Variants in ADGRB3 observed in about 807,000 individuals in gnomAD.
The protein encoded by ADGRB3 is adhesion G protein-coupled receptor B3, also known as brain-specific angiogenesis inhibitor 3.
ADGRB3 carries 37 observed loss-of-function variants against 193.4 expected under a neutral mutation model. The observed-to-expected ratio is 0.19, with a 90% CI of 0.15 to 0.25. The LOEUF (loss-of-function observed/expected upper bound fraction) is 0.25. Among genes scored for constraint, ADGRB3 ranks in the 10% least tolerant of loss-of-function variants. ADGRB3 has a pLI of 1.00. For missense variants in ADGRB3, 1,637 were observed against 1,852.9 expected, an observed-to-expected ratio of 0.88 and a Z score of 2.14; for synonymous variants, 690 against 644.2, an observed-to-expected ratio of 1.07 and a Z score of -1.08.
intron 3 of ADGRB3, among the ~76,000 whole-genome samples, chr6:68,671,736 T>G (rs1310110698): frequency 6.6e-6 from 1 of 151,986 alleles, no homozygotes; most frequent in Non-Finnish European, 1.5e-5. Context: ...TTTGTTTTGA[T>G]GCGTCTTTGT....
intron 3 of ADGRB3, among the ~76,000 whole-genome samples, chr6:68,679,158 G>A (rs1378688727): frequency 1.3e-5 from 2 of 152,032 alleles, no homozygotes; most frequent in African/African-American, 2.4e-5. Context: ...AAATATTCAA[G>A]TCTAGACAAA....
At chr6:69,143,259 G>A (rs1438146833) in intron 17 of ADGRB3, among the ~76,000 whole-genome samples, 1 of 151,408 alleles carries the variant, frequency 6.6e-6, no homozygotes, top group Non-Finnish European at 1.5e-5. Context: ...AGAGTTGTTT[G>A]AGCTCCTTAT....
At chr6:68,858,324 G>A (rs989255443) in intron 3 of ADGRB3, among the ~76,000 whole-genome samples, 11 of 151,954 alleles carry the variant, frequency 7.2e-5, no homozygotes, top group Admixed American at 1.3e-4. Flanking sequence ...CCAACATAGA[G>A]AAACCCCATC....
At chr6:69,045,434 A>G (rs1771207399) in intron 13 of ADGRB3, among the ~76,000 whole-genome samples, 3 of 152,146 alleles carry the variant, frequency 2.0e-5, no homozygotes, top group South Asian at 4.1e-4. Context: ...GTATGAAAGT[A>G]TATACTTTTC....
At chr6:69,238,516 ATT>A (rs544140689) in intron 19 of ADGRB3, among the ~76,000 whole-genome samples, 2 of 152,070 alleles carry the variant, frequency 1.3e-5, no homozygotes, top group African/African-American at 4.8e-5. Context: ...TGTGGATTGG[ATT>A]TATTTTTAGA....
intron 17 of ADGRB3, among the ~76,000 whole-genome samples, chr6:69,156,877 GT>G (rs1211412637): frequency 6.6e-6 from 1 of 152,132 alleles, no homozygotes; most frequent in Non-Finnish European, 1.5e-5. Context: ...CCTCAGGGAT[GT>G]TGGGTAACAC....
chr6:69,352,121 T>G (rs1012032403), intron 26 of ADGRB3, among the ~76,000 whole-genome samples: 7 of 152,210 alleles, frequency 4.6e-5, no homozygotes, highest in Non-Finnish European at 8.8e-5. Context: ...ATATACTTTC[T>G]TAATGGTTTC....
intron 26 of ADGRB3, among the ~76,000 whole-genome samples, chr6:69,340,587 A>G (rs1422608062): frequency 6.6e-6 from 1 of 152,102 alleles, no homozygotes; most frequent in East Asian, 1.9e-4. Flanking sequence ...GATTTATCAG[A>G]TGGGAAGAAC....
At chr6:68,752,042 G>C (rs1409929001) in intron 3 of ADGRB3, among the ~76,000 whole-genome samples, 3 of 152,054 alleles carry the variant, frequency 2.0e-5, no homozygotes, top group Admixed American at 1.3e-4. Flanking sequence ...GGGAAAAAAG[G>C]CATTTATAAG....
At chr6:68,992,721 A>G (rs1360241521) in intron 10 of ADGRB3, among the ~76,000 whole-genome samples, 2 of 152,200 alleles carry the variant, frequency 1.3e-5, no homozygotes, top group Non-Finnish European at 2.9e-5. Context: ...AGTAAAATAT[A>G]TGAGATTTCA....
intron 3 of ADGRB3, among the ~76,000 whole-genome samples, chr6:68,777,225 T>C (rs971969854): frequency 2.0e-5 from 3 of 152,124 alleles, no homozygotes. Context: ...CACAGTGATA[T>C]AACCTTTTGC....
chr6:68,914,792 C>A (rs1193268407), intron 3 of ADGRB3, among the ~76,000 whole-genome samples: 1 of 152,162 alleles, frequency 6.6e-6, no homozygotes, highest in Non-Finnish European at 1.5e-5. Flanking sequence ...CCTTACTCAT[C>A]ATTAAAGTGA....
intron 3 of ADGRB3, among the ~76,000 whole-genome samples, chr6:68,835,019 A>C (rs748124330): frequency 6.6e-6 from 1 of 152,164 alleles, no homozygotes; most frequent in Non-Finnish European, 1.5e-5. Flanking sequence ...TATTTATATA[A>C]TATCAATTCA....
At chr6:68,705,896 G>A (rs1436733817) in intron 3 of ADGRB3, among the ~76,000 whole-genome samples, 1 of 152,152 alleles carries the variant, frequency 6.6e-6, no homozygotes, top group East Asian at 1.9e-4. Context: ...CATCAGGGGT[G>A]AGGAGTGATT....
intron 3 of ADGRB3, among the ~76,000 whole-genome samples, chr6:68,731,877 A>G (rs775159397): frequency 5.5e-4 from 84 of 151,686 alleles, no homozygotes; most frequent in Non-Finnish European, 1.0e-3. Flanking sequence ...ATAAATTAAG[A>G]AATCTAAACA....
intron 3 of ADGRB3, among the ~76,000 whole-genome samples, chr6:68,770,581 T>A (rs530003714): frequency 1.3e-5 from 2 of 152,306 alleles, no homozygotes; most frequent in African/African-American, 2.4e-5. Context: ...TATACTCTGT[T>A]CTTTCTATCA....
At chr6:68,988,353 G>T (rs985119819) in intron 10 of ADGRB3, among the ~76,000 whole-genome samples, 1 of 152,102 alleles carries the variant, frequency 6.6e-6, no homozygotes, top group African/African-American at 2.4e-5. Context: ...TTAATGAGAG[G>T]ATTTTGGGAG....
chr6:69,318,473 T>C (rs977155830), intron 20 of ADGRB3, among the ~76,000 whole-genome samples: 6 of 151,384 alleles, frequency 4.0e-5, no homozygotes, highest in African/African-American at 1.5e-4. Flanking sequence ...TTTCTAGACA[T>C]AATCTTTTAT....
At chr6:68,676,950 G>A (rs908553838) in intron 3 of ADGRB3, among the ~76,000 whole-genome samples, 1 of 152,032 alleles carries the variant, frequency 6.6e-6, no homozygotes, top group African/African-American at 2.4e-5. Context: ...AACAAAAAAT[G>A]AATAAAACAC....
Sources: allele counts gnomAD v4.1 joint callset (sites outside exome capture counted in the v4.1 genomes callset), GRCh38; gene constraint gnomAD v4.1.1; transcripts MANE v1.5; gene names NCBI Gene and HGNC (gene_info 2026-07-23, HGNC 2026-07-21).